The following TMEM114 variants were observed in gnomAD, a reference collection of about 807,000 sequenced individuals.
The protein encoded by TMEM114 is claudin-26.
Under a neutral mutation model 6.2 loss-of-function variants are expected in TMEM114, and 6 were observed. The observed-to-expected ratio is 0.97, with a 90% CI of 0.53 to 1.91. The LOEUF (loss-of-function observed/expected upper bound fraction) is 1.91, where lower values mean the gene tolerates loss of function less well. Among genes scored for constraint, TMEM114 ranks in the 40% most tolerant of loss-of-function variants. TMEM114 has a pLI of 0.01. For missense variants in TMEM114, 218 were observed against 158.3 expected, an observed-to-expected ratio of 1.38 and a Z score of -2.02; for synonymous variants, 104 against 73.0, an observed-to-expected ratio of 1.42 and a Z score of -2.16.
the TMEM114 span, among the ~76,000 whole-genome samples, chr16:8,530,283 A>G: frequency 6.6e-6 from 1 of 152,102 alleles, no homozygotes; most frequent in African/African-American, 2.4e-5. Flanking sequence ...GATCAAGTCA[A>G]TTGAGGGGGT....
intron 2 of TMEM114, among the ~76,000 whole-genome samples, chr16:8,564,357 G>C (rs1429368346): frequency 6.6e-6 from 1 of 150,404 alleles, no homozygotes; most frequent in Non-Finnish European, 1.5e-5. Context: ...GAATGAGTCA[G>C]TGAGTGAATG....
chr16:8,561,418 C>G (rs976202749), intron 2 of TMEM114, among the ~76,000 whole-genome samples: 2 of 152,232 alleles, frequency 1.3e-5, no homozygotes, highest in Admixed American at 1.3e-4. Context: ...CCGCATTCCA[C>G]CAGCCATGTT....
downstream of TMEM114, among the ~76,000 whole-genome samples, chr16:8,567,046 G>A (rs536796379): frequency 6.2e-4 from 92 of 148,948 alleles, no homozygotes; most frequent in Non-Finnish European, 1.2e-3. Flanking sequence ...GATTACAGGC[G>A]CGTGTTACCA....
At chr16:8,576,690 T>G (rs1901939954) in intron 2 of TMEM114, among the ~76,000 whole-genome samples, 1 of 149,374 alleles carries the variant, frequency 6.7e-6, no homozygotes, top group Non-Finnish European at 1.5e-5. Context: ...GATGGCTGAG[T>G]TAATGAATGA....
At chr16:8,554,695 G>C (rs1183379737) in intron 2 of TMEM114, among the ~76,000 whole-genome samples, 4 of 152,208 alleles carry the variant, frequency 2.6e-5, no homozygotes, top group Non-Finnish European at 4.4e-5. Context: ...CAAAATCCTG[G>C]AAATGAGTCA....
intron 2 of TMEM114, among the ~76,000 whole-genome samples, chr16:8,539,158 C>T (rs1900446495): frequency 6.6e-6 from 1 of 152,094 alleles, no homozygotes; most frequent in Non-Finnish European, 1.5e-5. Context: ...ACATGTGACC[C>T]ATATGAATAA....
intron 2 of TMEM114, among the ~76,000 whole-genome samples, chr16:8,562,584 ATAAGTAAGTGAAT>A (rs1901290328): frequency 3.9e-5 from 1 of 25,498 alleles, no homozygotes; most frequent in Non-Finnish European, 8.5e-5. Context: ...GAGTGAGGAA[ATAAGTAAGTGAAT>A]GAGTGAGTGA....
At chr16:8,546,440 C>A (rs182380815) in intron 2 of TMEM114, among the ~76,000 whole-genome samples, 17 of 152,226 alleles carry the variant, frequency 1.1e-4, no homozygotes, top group African/African-American at 3.1e-4. Flanking sequence ...AAAGATGAAC[C>A]CTGACCCAAA....
chr16:8,562,208 ATGAGTGAGTAAATGAG>A (rs1901257243), intron 2 of TMEM114, among the ~76,000 whole-genome samples: 2 of 144,742 alleles, frequency 1.4e-5, no homozygotes, highest in Non-Finnish European at 3.0e-5. Context: ...GAGTCAGTGA[ATGAGTGAGTAAATGAG>A]TGAGTGAGTG....
chr16:8,541,659 A>G (rs1238464841), intron 2 of TMEM114, among the ~76,000 whole-genome samples: 1 of 152,236 alleles, frequency 6.6e-6, no homozygotes, highest in Non-Finnish European at 1.5e-5. Flanking sequence ...AATACAAATT[A>G]AAAATGTGAC....
At chr16:8,560,276 G>C (rs919154567) in intron 2 of TMEM114, among the ~76,000 whole-genome samples, 1 of 151,946 alleles carries the variant, frequency 6.6e-6, no homozygotes, top group South Asian at 2.1e-4. Flanking sequence ...GGGATTACAG[G>C]TGTGAGGCAC....
At chr16:8,583,831 C>T (rs1037207759) in intron 2 of TMEM114, among the ~76,000 whole-genome samples, 1 of 152,178 alleles carries the variant, frequency 6.6e-6, no homozygotes, top group Non-Finnish European at 1.5e-5. Flanking sequence ...TTGCCTGCCC[C>T]TACACCTGAT....
chr16:8,571,568 C>T (rs1401946000), intron 3 of TMEM114, among the ~76,000 whole-genome samples: 1 of 152,108 alleles, frequency 6.6e-6, no homozygotes, highest in Admixed American at 6.6e-5. Flanking sequence ...TGTTCTTTGA[C>T]CAACATCTCC....
intron 2 of TMEM114, among the ~76,000 whole-genome samples, chr16:8,554,188 T>C (rs1286810374): frequency 1.3e-5 from 2 of 152,080 alleles, no homozygotes; most frequent in Non-Finnish European, 2.9e-5. Context: ...TTGAAAGGGC[T>C]TCTGTTCTTT....
chr16:8,529,601 G>T, the TMEM114 span, among the ~76,000 whole-genome samples: 1 of 152,080 alleles, frequency 6.6e-6, no homozygotes, highest in Admixed American at 6.5e-5. Context: ...GGTAGGCAGA[G>T]GCACCCAGGA....
chr16:8,567,389 G>A (rs1400963881), downstream of TMEM114, among the ~76,000 whole-genome samples: 2 of 152,190 alleles, frequency 1.3e-5, no homozygotes, highest in Non-Finnish European at 2.9e-5. Flanking sequence ...TAGGTATCTG[G>A]CAAGCATTTA....
chr16:8,586,435 C>T (rs1189373463), intron 2 of TMEM114, among the ~76,000 whole-genome samples: 1 of 152,128 alleles, frequency 6.6e-6, no homozygotes, highest in African/African-American at 2.4e-5. Flanking sequence ...CACAGAAGGC[C>T]TCTGTTTTGT....
chr16:8,561,922 GA>G (rs1300923392), intron 2 of TMEM114, among the ~76,000 whole-genome samples: 5 of 113,954 alleles, frequency 4.4e-5, no homozygotes. Context: ...ATGAGTAAGT[GA>G]ATGAGTGAGT....
chr16:8,532,706 C>T (rs994560041), downstream of TMEM114, among the ~76,000 whole-genome samples: 5 of 152,098 alleles, frequency 3.3e-5, no homozygotes, highest in Admixed American at 6.5e-5. Flanking sequence ...GGGCGACTCA[C>T]GAGGTCAGGA....
Sources: allele counts gnomAD v4.1 joint callset (sites outside exome capture counted in the v4.1 genomes callset), GRCh38; gene constraint gnomAD v4.1.1; transcripts MANE v1.5; gene names NCBI Gene and HGNC (gene_info 2026-07-23, HGNC 2026-07-21).